The following DOCK2 variants were observed in gnomAD, a reference collection of about 807,000 sequenced individuals.
DOCK2 encodes dedicator of cytokinesis 2.
DOCK2 carries 87 observed loss-of-function variants against 248.9 expected under a neutral mutation model. That is an observed-to-expected ratio of 0.35 (90% CI 0.29 to 0.42). The LOEUF (loss-of-function observed/expected upper bound fraction) is 0.42. Ranked by LOEUF, DOCK2 falls within the 10% of genes least tolerant of loss-of-function variation. The pLI is 1.00. For synonymous variants in DOCK2, 805 were observed against 821.6 expected (o/e 0.98, Z 0.35); for missense variants, 1,747 against 2,300.2 (o/e 0.76, Z 4.92).
intron 25 of DOCK2, among the ~76,000 whole-genome samples, chr5:169,766,089 A>G (rs1425548888): frequency 6.6e-6 from 1 of 152,072 alleles, no homozygotes; most frequent in Non-Finnish European, 1.5e-5. Flanking sequence ...CTTTTATTTC[A>G]GGTTCATGAG....
At chr5:169,824,382 G>A (rs181841998) in intron 26 of DOCK2, among the ~76,000 whole-genome samples, 15 of 152,106 alleles carry the variant, frequency 9.9e-5, no homozygotes, top group African/African-American at 3.6e-4. Context: ...ATACTACAAG[G>A]CTACAGTAAC....
At chr5:169,946,561 CCATTCATT>C (rs144258254) in intron 27 of DOCK2, among the ~76,000 whole-genome samples, 3 of 152,082 alleles carry the variant, frequency 2.0e-5, no homozygotes, top group Non-Finnish European at 2.9e-5. Flanking sequence ...AGTCACTCAT[CCATTCATT>C]CATTCATTCA....
At chr5:170,081,766 C>T in intron 50 of DOCK2, 76 bp from the exon 51 acceptor site, 1 of 1,183,868 alleles carries the variant, frequency 8.4e-7, no homozygotes. Flanking sequence ...CCCCAGCCCT[C>T]CCCCTGTCTA....
chr5:170,024,209 G>T (rs1173205366), intron 33 of DOCK2, among the ~76,000 whole-genome samples: 1 of 152,194 alleles, frequency 6.6e-6, no homozygotes, highest in Non-Finnish European at 1.5e-5. Context: ...GTGGGGTAAG[G>T]AGTCAATGAT....
rs79860075 is a variant in DOCK2, at chr5:169,761,415, G to T, written c.2448-104G>T. 2,263 of 880,942 alleles carry T rather than the reference G, an allele frequency of 2.6e-3. 7 individuals carry two copies. Among genetic ancestry groups the T allele is most frequent in the Non-Finnish European group, 2.6e-3 (1,436 of 548,328 alleles). The allele number at this position is 880,942 out of a possible 1,614,324, so 54.6% of individuals were successfully genotyped here. ...TGCACCTCATGCTCTGCCAGGACTTGGGGGTTTCCCAGAGCTAGAGGTCCA... is the reference window on the plus strand; with the variant it reads ...TGCACCTCATGCTCTGCCAGGACTTTGGGGTTTCCCAGAGCTAGAGGTCCA... On this transcript the variant is annotated intron_variant, in intron 24 of 51. Transcript: ENST00000520908.
chr5:169,977,374 G>A (rs1016518233), intron 27 of DOCK2, among the ~76,000 whole-genome samples: 3 of 152,294 alleles, frequency 2.0e-5, no homozygotes, highest in Admixed American at 2.0e-4. Context: ...ATTTCAATGA[G>A]CTAATCTGCA....
intron 27 of DOCK2, chr5:169,882,488 T>A: frequency 7.4e-7 from 1 of 1,358,126 alleles, no homozygotes; most frequent in South Asian, 1.5e-5. Context: ...CAAAGCTGTC[T>A]CTGCCCCTGT....
At chr5:169,785,107 GA>G (rs1318890113) in intron 25 of DOCK2, among the ~76,000 whole-genome samples, 1 of 152,134 alleles carries the variant, frequency 6.6e-6, no homozygotes, top group African/African-American at 2.4e-5. Context: ...ACCCGTATAA[GA>G]GATGAACTCG....
chr5:169,649,096 C>A (rs941060115), intron 1 of DOCK2, among the ~76,000 whole-genome samples: 1 of 152,224 alleles, frequency 6.6e-6, no homozygotes, highest in African/African-American at 2.4e-5. Context: ...CTTGAATCCA[C>A]CAAAGTGGAC....
intron 29 of DOCK2, among the ~76,000 whole-genome samples, chr5:169,988,756 C>T (rs1319941782): frequency 6.6e-6 from 1 of 152,162 alleles, no homozygotes; most frequent in Non-Finnish European, 1.5e-5. Flanking sequence ...AGGTGATCTG[C>T]CTGCCTCGGC....
At chr5:170,011,614 A>T (rs1057001408) in intron 32 of DOCK2, among the ~76,000 whole-genome samples, 1 of 152,158 alleles carries the variant, frequency 6.6e-6, no homozygotes, top group Non-Finnish European at 1.5e-5. Flanking sequence ...GTGTTTTAGG[A>T]TTGCAATGTG....
chr5:169,864,285 G>A, intron 27 of DOCK2: 1 of 1,551,608 alleles, frequency 6.4e-7, no homozygotes, highest in South Asian at 1.2e-5. Context: ...AGATCCACCA[G>A]AAGCATTTCT....
intron 27 of DOCK2, among the ~76,000 whole-genome samples, chr5:169,929,822 A>G (rs1035926949): frequency 6.6e-6 from 1 of 151,374 alleles, no homozygotes; most frequent in South Asian, 2.1e-4. Context: ...GCACTTTCCT[A>G]TAGACCCTTA....
intron 8 of DOCK2, among the ~76,000 whole-genome samples, chr5:169,685,688 G>T (rs929754788): frequency 6.6e-6 from 1 of 152,168 alleles, no homozygotes; most frequent in South Asian, 2.1e-4. Context: ...AGTAAACAGC[G>T]GCCTCCTGGA....
At chr5:169,841,498 A>C in intron 27 of DOCK2, 7 of 964,668 alleles carry the variant, frequency 7.3e-6, no homozygotes, top group Non-Finnish European at 8.6e-6. Context: ...ATAAATGAGT[A>C]TGCCCAACCA....
At chr5:170,028,094 G>T in intron 34 of DOCK2, 146 bp downstream of exon 34, 1 of 557,258 alleles carries the variant, frequency 1.8e-6, no homozygotes, top group Non-Finnish European at 2.9e-6. Context: ...CTCCATTTTT[G>T]GAAGAAACCT....
chr5:170,040,945 T>TATTTCTCTTG (rs113347037), intron 36 of DOCK2, 110 bp from the exon 37 acceptor site: 6 of 875,194 alleles, frequency 6.9e-6, no homozygotes, highest in African/African-American at 6.2e-5. Flanking sequence ...AGGAGGACTT[T>TATTTCTCTTG]CTTGCGACCC....
intron 27 of DOCK2, among the ~76,000 whole-genome samples, chr5:169,944,557 C>A (rs1453502206): frequency 6.6e-6 from 1 of 152,212 alleles, no homozygotes; most frequent in Non-Finnish European, 1.5e-5. Flanking sequence ...TCAGTGGAAT[C>A]CCAGCCATCC....
intron 27 of DOCK2, among the ~76,000 whole-genome samples, chr5:169,845,624 G>C (rs140208580): frequency 6.6e-6 from 1 of 152,188 alleles, no homozygotes. Flanking sequence ...TTCAACAAAT[G>C]TGTTTTCTAA....
Sources: allele counts gnomAD v4.1 joint callset (sites outside exome capture counted in the v4.1 genomes callset), GRCh38; gene constraint gnomAD v4.1.1; transcripts MANE v1.5; gene names NCBI Gene and HGNC (gene_info 2026-07-23, HGNC 2026-07-21).